Variants in NNT observed in about 807,000 individuals in gnomAD.
NNT encodes the protein NAD(P) transhydrogenase, mitochondrial.
Under a neutral mutation model 104.8 loss-of-function variants are expected in NNT, and 50 were observed. The ratio of observed to expected loss-of-function variants is 0.48; its 90% CI spans 0.38 to 0.60. NNT has a LOEUF of 0.60. Ranked by LOEUF, NNT falls within the 20% of genes least tolerant of loss-of-function variation. The probability of loss-of-function intolerance (pLI) is 0.00; values close to 1 mark genes in which losing one functional copy is unlikely to be tolerated. For missense variants in NNT, 1,131 were observed against 1,330.7 expected (o/e 0.85, Z 2.33); for synonymous variants, 461 against 490.4 (o/e 0.94, Z 0.79).
chr5:43,619,660 A>G (rs895959172), intron 5 of NNT, among the ~76,000 whole-genome samples: 1 of 152,208 alleles, frequency 6.6e-6, no homozygotes, highest in Non-Finnish European at 1.5e-5. Context: ...CTGAAAGAAT[A>G]GGAGGTCATA....
rs1579962116 is a variant in NNT at position 43,606,754 on chromosome 5, T to C, written c.-53-2389T>C. Among the ~76,000 whole-genome samples the C allele has an allele frequency of 2.6e-5, 4 of 152,336 alleles. 1 individual carries two copies. Among genetic ancestry groups the C allele is most frequent in the Admixed American group, 2.6e-4 (4 of 15,304 alleles). On this transcript the variant is annotated intron_variant, in intron 1 of 21. Coordinates refer to ENST00000344920, the MANE Select transcript of NNT (RefSeq NM_182977.3). ...CTGAGCTTGTGTTACTCTGTTACTC[T>C]ACTTTGTAGTGTTATTATTTGTTGA...
intron 17 of NNT, among the ~76,000 whole-genome samples, chr5:43,671,112 T>C (rs1040859208): frequency 3.3e-5 from 5 of 152,006 alleles, no homozygotes; most frequent in African/African-American, 4.8e-5. Context: ...TAACCCCTGC[T>C]TTTTTTTGCT....
chr5:43,689,166 C>T (rs575130104), intron 19 of NNT, among the ~76,000 whole-genome samples: 1 of 152,262 alleles, frequency 6.6e-6, no homozygotes, highest in Non-Finnish European at 1.5e-5. Context: ...ATATCCTAGT[C>T]GGACATTTGT....
chr5:43,667,331 T>A (rs536446115), intron 17 of NNT: 19 of 581,490 alleles, frequency 3.3e-5, no homozygotes, highest in African/African-American at 3.0e-4. Context: ...TGCAGGTTTG[T>A]TACATATGTA....
At chr5:43,669,084 C>G (rs1248998596) in intron 17 of NNT, among the ~76,000 whole-genome samples, 1 of 152,136 alleles carries the variant, frequency 6.6e-6, no homozygotes, top group Non-Finnish European at 1.5e-5. Context: ...CTCTGTTTGT[C>G]TGTTATTGGT....
intron 7 of NNT, among the ~76,000 whole-genome samples, chr5:43,641,372 C>A (rs967811676): frequency 6.6e-6 from 1 of 152,044 alleles, no homozygotes; most frequent in Admixed American, 6.6e-5. Context: ...TGCTTGAAGG[C>A]AGCTGCACTG....
chr5:43,673,569 A>T (rs1741247860), intron 17 of NNT, among the ~76,000 whole-genome samples: 1 of 152,274 alleles, frequency 6.6e-6, no homozygotes, highest in Non-Finnish European at 1.5e-5. Flanking sequence ...TGTATAATTC[A>T]AAACTAGAAA....
At chr5:43,655,109 T>A (rs1739968075) in intron 14 of NNT, among the ~76,000 whole-genome samples, 1 of 152,224 alleles carries the variant, frequency 6.6e-6, no homozygotes, top group African/African-American at 2.4e-5. Context: ...TTCTTCATGT[T>A]CCAGGTGTTT....
At chr5:43,615,365 A>G (rs1220453998) in intron 3 of NNT, among the ~76,000 whole-genome samples, 1 of 152,198 alleles carries the variant, frequency 6.6e-6, no homozygotes, top group African/African-American at 2.4e-5. Flanking sequence ...ATAAATCTAT[A>G]CTTAGTTTTA....
At chr5:43,666,536 G>C (rs1384491852) in intron 17 of NNT, among the ~76,000 whole-genome samples, 1 of 151,714 alleles carries the variant, frequency 6.6e-6, no homozygotes, top group Non-Finnish European at 1.5e-5. Flanking sequence ...AGCCGAGATG[G>C]CGACAGTACA....
At chr5:43,685,583 A>C (rs949653708) in intron 19 of NNT, among the ~76,000 whole-genome samples, 1 of 152,170 alleles carries the variant, frequency 6.6e-6, no homozygotes, top group Non-Finnish European at 1.5e-5. Context: ...AAGGGGCCCA[A>C]TTGTACTTAC....
chr5:43,604,048 G>A (rs1749074370), intron 1 of NNT, among the ~76,000 whole-genome samples: 1 of 152,192 alleles, frequency 6.6e-6, no homozygotes. Context: ...GTTAGTTGCC[G>A]AGCAAGGGAC....
intron 4 of NNT, 130 bp from the exon 5 acceptor site, chr5:43,618,902 A>C (rs1749923246): frequency 6.8e-6 from 3 of 438,616 alleles, no homozygotes; most frequent in East Asian, 3.8e-5. Context: ...TTTTTGACAC[A>C]TAGTACATAC....
At chr5:43,661,786 A>G (rs1269577202) in intron 17 of NNT, among the ~76,000 whole-genome samples, 1 of 151,988 alleles carries the variant, frequency 6.6e-6, no homozygotes, top group Non-Finnish European at 1.5e-5. Flanking sequence ...TATATGTGCC[A>G]CATTTTCTTA....
intron 7 of NNT, among the ~76,000 whole-genome samples, chr5:43,631,246 T>C (rs1278014303): frequency 6.6e-6 from 1 of 152,164 alleles, no homozygotes; most frequent in Non-Finnish European, 1.5e-5. Context: ...GGTTGGTTTC[T>C]GGAGGTGCAT....
rs760415140 is a variant in NNT at position 43,656,726 on chromosome 5, G to A, written c.2367G>A (p.Val789=). 1 of 1,614,178 alleles carries A rather than the reference G, an allele frequency of 6.2e-7. No homozygotes were observed. Among genetic ancestry groups the A allele is most frequent in the South Asian group, 1.1e-5 (1 of 91,078 alleles). Residue 789 remains valine (V), a synonymous_variant, in exon 16 of 22, where the codon GTG becomes GTA. Coordinates refer to ENST00000344920, the MANE Select transcript of NNT (RefSeq NM_182977.3). The part of the protein sequence containing the change: ...LLNAGLLAAS[V]GGIIPFMVDP... ...ATGCAGGCTTACTGGCTGCTAGTGT[G>A]GGCGGGATAATCCCATTCATGGTGG...
At chr5:43,649,935 A>G (rs1372497983) in intron 11 of NNT, among the ~76,000 whole-genome samples, 1 of 152,212 alleles carries the variant, frequency 6.6e-6, no homozygotes, top group Non-Finnish European at 1.5e-5. Context: ...CTGGCTTGAA[A>G]GCCTCAGGGC....
chr5:43,606,878 A>G (rs1397834025), intron 1 of NNT, among the ~76,000 whole-genome samples: 1 of 152,244 alleles, frequency 6.6e-6, no homozygotes, highest in East Asian at 1.9e-4. Context: ...GGGGCATCTT[A>G]TGAATAAATA....
At chr5:43,694,967 C>G (rs914823734) in intron 19 of NNT, among the ~76,000 whole-genome samples, 1 of 152,120 alleles carries the variant, frequency 6.6e-6, no homozygotes, top group African/African-American at 2.4e-5. Flanking sequence ...CTATTTATTA[C>G]TGATTCAATT....
Sources: allele counts gnomAD v4.1 joint callset (sites outside exome capture counted in the v4.1 genomes callset), GRCh38; gene constraint gnomAD v4.1.1; transcripts MANE v1.5; gene names NCBI Gene and HGNC (gene_info 2026-07-23, HGNC 2026-07-21).